CBLN4: variants seen among roughly 807,000 people sequenced by gnomAD.
CBLN4 encodes the protein cerebellin 4 precursor, also known as cerebellin-4.
In CBLN4, 7 loss-of-function variants were observed where a neutral mutation model predicts 14.9. The observed-to-expected ratio is 0.47, with a 90% CI of 0.27 to 0.88. The LOEUF is 0.88. CBLN4 is among the 40% of genes least tolerant of loss of function. The pLI is 0.14. For synonymous variants in CBLN4, 131 were observed against 116.5 expected (o/e 1.12, Z -0.80); for missense variants, 188 against 256.8 (o/e 0.73, Z 1.83).
intron 1 of CBLN4, 137 bp downstream of exon 1, chr20:56,003,744 G>C: frequency 1.1e-6 from 1 of 875,524 alleles, no homozygotes; most frequent in Non-Finnish European, 1.7e-6. Flanking sequence ...TTCAGACCCA[G>C]GCATATTTGG....
intron 1 of CBLN4, among the ~76,000 whole-genome samples, chr20:56,003,541 G>A (rs889804127): frequency 1.3e-5 from 2 of 152,220 alleles, no homozygotes; most frequent in Admixed American, 1.3e-4. Context: ...ATCTGGCCAA[G>A]AGATAACGAC....
chr20:55,998,769 A>C lies in CBLN4; in HGVS notation c.409-15T>G, dbSNP rs1392665959. ...ATCAAGTTAACCTAGAAGAAGAAAAATAATAATAATTGAAAAGTTCTCTTT... is the reference window on the plus strand; with the variant it reads ...ATCAAGTTAACCTAGAAGAAGAAAACTAATAATAATTGAAAAGTTCTCTTT... On this transcript the variant is annotated splice_polypyrimidine_tract_variant and intron_variant, in intron 2 of 2. Transcript: ENST00000064571. 1.3e-6 allele frequency: 2 copies of C among 1,590,116 alleles called. No individual in the cohort carries two copies. Among genetic ancestry groups the C allele is most frequent in the Non-Finnish European group, 1.7e-6 (2 of 1,158,532 alleles).
chr20:56,000,334 G>A (rs148518190), intron 2 of CBLN4, among the ~76,000 whole-genome samples: 7 of 152,140 alleles, frequency 4.6e-5, no homozygotes, highest in African/African-American at 1.7e-4. Context: ...TAGCAAATGT[G>A]TTTTATTTAT....
Position 55,998,335 on chromosome 20 carries a change from G to A in CBLN4, c.*222C>T. On this transcript the variant is annotated 3_prime_UTR_variant, in exon 3 of 3. Transcript: ENST00000064571. ...CTTTTGACTGTTACATTTAAGCATAGGTATTATCTGCTTAGAGTCCCAATC... is the reference window on the plus strand; with the variant it reads ...CTTTTGACTGTTACATTTAAGCATAAGTATTATCTGCTTAGAGTCCCAATC... 1.8e-6 allele frequency: 1 copy of A among 554,620 alleles called. No homozygotes were observed. Among genetic ancestry groups the A allele is most frequent in the Middle Eastern group, 4.7e-4 (1 of 2,122 alleles). 34.4% of individuals were successfully genotyped at this position (554,620 alleles called of 1,614,324 possible).
intron 1 of CBLN4, among the ~76,000 whole-genome samples, chr20:56,002,526 A>C (rs904771642): frequency 1.3e-5 from 2 of 152,218 alleles, no homozygotes; most frequent in Non-Finnish European, 2.9e-5. Flanking sequence ...AGAAGAACAA[A>C]CCCTTTTCCT....
At chr20:56,003,051 C>A (rs926088286) in intron 1 of CBLN4, among the ~76,000 whole-genome samples, 39 of 152,226 alleles carry the variant, frequency 2.6e-4, no homozygotes, top group Admixed American at 2.2e-3. Flanking sequence ...AGCACCAGGT[C>A]GCTAAACAGC....
In CBLN4 at chr20:56,003,998, G is replaced by C. The variant is rs1400041807; in HGVS notation, c.174C>G (p.Ser58=). 6 of 1,613,960 alleles carry C rather than the reference G, an allele frequency of 3.7e-6. No individual in the cohort carries two copies. The highest frequency in any genetic ancestry group is 5.1e-6 in the Non-Finnish European group (6 of 1,180,016). The stretch of plus-strand genomic sequence containing the variant: ...CCGCCCGGACCGATATCCCCAGCGG[G>C]GAGGAAGAGGAGCCCTTGGAGTCCG... ...PATDSKGSSS[S]PLGISVRAAN... Residue 58 remains serine, a synonymous_variant, in exon 1 of 3, where the codon TCC becomes TCG. Coordinates refer to ENST00000064571, the MANE Select transcript of CBLN4 (RefSeq NM_080617.6).
rs1986315774 is a variant in CBLN4 at position 55,998,402 on chromosome 20, T to G, written c.*155A>C. On this transcript the variant is annotated 3_prime_UTR_variant, in exon 3 of 3. Transcript: ENST00000064571. ...GACACACACAAATAATCTGTGAAAT[T>G]TTGTATTGGTTCAGACAGGCTAGAA... 2.6e-6 allele frequency: 2 copies of G among 766,168 alleles called. No individual in the cohort carries two copies. Among genetic ancestry groups the G allele is most frequent in the East Asian group, 5.4e-5 (2 of 37,116 alleles). The allele number at this position is 766,168 out of a possible 1,614,324, so 47.5% of individuals were successfully genotyped here.
chr20:55,999,473 T>A (rs1031596630), intron 2 of CBLN4, among the ~76,000 whole-genome samples: 2 of 151,792 alleles, frequency 1.3e-5, no homozygotes, highest in Admixed American at 6.6e-5. Context: ...AACAACAAAT[T>A]TAAAAATTAG....
chr20:55,999,666 A>G (rs1986337370), intron 2 of CBLN4, among the ~76,000 whole-genome samples: 1 of 152,150 alleles, frequency 6.6e-6, no homozygotes, highest in Admixed American at 6.5e-5. Flanking sequence ...AATCACCACT[A>G]TCACTGATTT....
Position 56,004,155 on chromosome 20 carries a change from C to G in CBLN4, c.17G>C (p.Arg6Pro). The G allele has an allele frequency of 6.5e-7, 1 of 1,542,394 alleles. No individual in the cohort carries two copies. Among genetic ancestry groups the G allele is most frequent in the Non-Finnish European group, 8.7e-7 (1 of 1,148,928 alleles). The change falls in exon 1 of 3, where the codon CGG (arginine) becomes CCG (proline). Residue 6 changes from arginine to proline, a missense_variant. Coordinates refer to ENST00000064571, the MANE Select transcript of CBLN4 (RefSeq NM_080617.6). The surrounding 1 kb of genome is among the most constrained non-coding windows in gnomAD (Gnocchi z 6.1). Reference protein sequence around the residue: MGSGRRALSAVPAVLL... With the variant: MGSGRPALSAVPAVLL... ...CACGGCCGGCACCGCGGACAGCGCC[C>G]GGCGCCCGGAGCCCATGGTGAGCCG...
chr20:55,998,840 T>C, intron 2 of CBLN4, 86 bp from the exon 3 acceptor site: 2 of 1,020,922 alleles, frequency 2.0e-6, no homozygotes, highest in South Asian at 1.4e-5. Context: ...TCTAAGATGA[T>C]AGACCCAGTA....
chr20:56,001,948 AAAATAAT>A (rs1408372597), intron 1 of CBLN4, among the ~76,000 whole-genome samples: 3 of 152,182 alleles, frequency 2.0e-5, no homozygotes, highest in Non-Finnish European at 4.4e-5. Context: ...GTGGCATTCA[AAAATAAT>A]AAGAGGTCCC....
At chr20:56,001,596 T>A (rs1986374018) in intron 1 of CBLN4, among the ~76,000 whole-genome samples, 1 of 152,114 alleles carries the variant, frequency 6.6e-6, no homozygotes. Context: ...GAGGAGAGCA[T>A]AGAGAAGGCT....
chr20:55,998,721 A>G lies in CBLN4; in HGVS notation c.442T>C (p.Ser148Pro). 1 of 1,614,096 alleles carries G rather than the reference A, an allele frequency of 6.2e-7. No homozygotes were observed. Among genetic ancestry groups the G allele is most frequent in the Non-Finnish European group, 8.5e-7 (1 of 1,179,926 alleles). ...ACATCTTTGTCCCCCGCAAAGGCAG[A>G]TATTACTGGTTTTCCATTTAACATC... ...NLMLNGKPVI[S>P]AFAGDKDVTR... The change falls in exon 3 of 3, where the codon TCT becomes CCT. Residue 148 changes from serine (S) to proline (P), a missense_variant. Physicochemically the swap from Ser to Pro is moderately conservative, Grantham distance 74. Around this residue, in one of 2 missense-constraint regions of CBLN4, gnomAD observed 93 missense variants for 157.7 expected, o/e 0.59. Transcript: ENST00000064571.
chr20:56,001,249 G>C (rs909289858), intron 1 of CBLN4, among the ~76,000 whole-genome samples: 3 of 152,232 alleles, frequency 2.0e-5, no homozygotes, highest in Non-Finnish European at 4.4e-5. Context: ...TTTACCTTGA[G>C]AGTTGGATAA....
At chr20:56,001,795 A>C (rs1986377897) in intron 1 of CBLN4, among the ~76,000 whole-genome samples, 1 of 152,144 alleles carries the variant, frequency 6.6e-6, no homozygotes, top group African/African-American at 2.4e-5. Flanking sequence ...ATTAACTCTA[A>C]ATTTTAATAA....
At position 56,003,871 on chromosome 20, in the gene CBLN4, C is replaced by A. The variant is rs749492651; in HGVS notation, c.291+10G>T. On this transcript the variant is annotated intron_variant, in intron 1 of 2. Transcript: ENST00000064571. ...CACCCCCTAGGTGCTCGCTTCCCCC[C>A]GGGTCTGACCTGATCGAAGTAAATG... is the stretch of plus-strand genomic sequence containing the variant. The A allele has an allele frequency of 1.3e-6, 2 of 1,585,678 alleles. No individual in the cohort carries two copies. Among genetic ancestry groups the A allele is most frequent in the South Asian group, 1.1e-5 (1 of 87,106 alleles).
chr20:56,003,225 C>A (rs898351398), intron 1 of CBLN4, among the ~76,000 whole-genome samples: 1 of 152,176 alleles, frequency 6.6e-6, no homozygotes, highest in African/African-American at 2.4e-5. Flanking sequence ...TCCTTTTCCT[C>A]CCCTCCTCCG....
Sources: allele counts gnomAD v4.1 joint callset (sites outside exome capture counted in the v4.1 genomes callset), GRCh38; gene constraint gnomAD v4.1.1; regional missense constraint gnomAD v4.1.1; non-coding constraint Gnocchi (gnomAD v3.1); transcripts MANE v1.5; gene names NCBI Gene and HGNC (gene_info 2026-07-23, HGNC 2026-07-21).